The following B4GALT6 variants were observed in gnomAD, a reference collection of about 807,000 sequenced individuals.
B4GALT6 encodes the protein beta-1,4-galactosyltransferase 6.
Under a neutral mutation model 46.3 loss-of-function variants are expected in B4GALT6, and 14 were observed. That is an observed-to-expected ratio of 0.30 (90% confidence interval 0.20 to 0.47). The LOEUF (loss-of-function observed/expected upper bound fraction) is 0.47. Among genes scored for constraint, B4GALT6 ranks in the 20% least tolerant of loss-of-function variants. The pLI is 0.99. For missense variants in B4GALT6, 386 were observed against 480.1 expected, an observed-to-expected ratio of 0.80 and a Z score of 1.83; for synonymous variants, 168 against 162.0, an observed-to-expected ratio of 1.04 and a Z score of -0.28.
intron 2 of B4GALT6, 44 bp from the exon 3 acceptor site, chr18:31,658,133 T>G: frequency 7.6e-7 from 1 of 1,318,100 alleles, no homozygotes; most frequent in Non-Finnish European, 1.1e-6. Context: ...AAAAAGGCCT[T>G]TTGCTTTCTC....
At chr18:31,630,550 G>A (rs1192341888) in intron 6 of B4GALT6, among the ~76,000 whole-genome samples, 2 of 152,022 alleles carry the variant, frequency 1.3e-5, no homozygotes, top group African/African-American at 4.8e-5. Context: ...GATGAGTTAT[G>A]CACCTACCAC....
the B4GALT6 span, among the ~76,000 whole-genome samples, chr18:31,710,903 T>C: frequency 3.3e-5 from 5 of 151,066 alleles, no homozygotes; most frequent in South Asian, 2.1e-4. Flanking sequence ...ATCCTACTTC[T>C]ATGACCTGTG....
chr18:31,707,541 T>A, the B4GALT6 span, among the ~76,000 whole-genome samples: 2 of 152,230 alleles, frequency 1.3e-5, no homozygotes, highest in African/African-American at 4.8e-5. Context: ...GTTAAACATG[T>A]GCTATCTGTA....
Position 31,646,193 on chromosome 18 carries a change from C to G in B4GALT6, c.347-714G>C, listed in dbSNP as rs1286668018. On this transcript the variant is annotated intron_variant, in intron 3 of 8. Coordinates refer to ENST00000306851, the MANE Select transcript of B4GALT6 (RefSeq NM_004775.5). Reference sequence around the variant, plus strand: ...ACTTACCATATATCAGGCCCCTTGGCATACAAAACTGAAAAACCACTTCTG... The same window carrying G: ...ACTTACCATATATCAGGCCCCTTGGGATACAAAACTGAAAAACCACTTCTG... Among the ~76,000 whole-genome samples the G allele has an allele frequency of 2.6e-5, 4 of 152,212 alleles. No homozygotes were observed. The East Asian group carries it at 7.7e-4, about 29-fold the overall frequency.
chr18:31,679,410 C>T (rs554957732), intron 1 of B4GALT6, among the ~76,000 whole-genome samples: 161 of 152,322 alleles, frequency 1.1e-3, no homozygotes, highest in African/African-American at 3.8e-3. Context: ...CAATCTCTAA[C>T]TCATCTCTCA....
chr18:31,721,671 G>A, the B4GALT6 span, among the ~76,000 whole-genome samples: 1 of 152,212 alleles, frequency 6.6e-6, no homozygotes, highest in African/African-American at 2.4e-5. Context: ...AGGTTTCCCA[G>A]AGTAGAAGGA....
At position 31,625,463 on chromosome 18, in the gene B4GALT6, T is replaced by C. The variant is rs1010063273; in HGVS notation, c.*151A>G. 2.6e-6 allele frequency: 2 copies of C among 767,570 alleles called. No individual in the cohort carries two copies. The highest frequency in any genetic ancestry group is 4.1e-6 in the Non-Finnish European group (2 of 486,452). 47.5% of individuals were successfully genotyped at this position (767,570 alleles called of 1,614,324 possible). ...AGGACGGGTGAGAGAAGGGTGACTG[T>C]ATATAGTCCCACTCTGTAAACACTG... On this transcript the variant is annotated 3_prime_UTR_variant, in exon 9 of 9. Transcript: ENST00000306851.
chr18:31,715,382 C>T, the B4GALT6 span, among the ~76,000 whole-genome samples: 14 of 152,076 alleles, frequency 9.2e-5, no homozygotes, highest in South Asian at 2.1e-3. Flanking sequence ...TGTACCAGCA[C>T]ACCTGGCTGA....
At chr18:31,698,730 A>G in the B4GALT6 span, among the ~76,000 whole-genome samples, 1 of 152,142 alleles carries the variant, frequency 6.6e-6, no homozygotes, top group Non-Finnish European at 1.5e-5. Context: ...AGCAGAAAGG[A>G]AAGCATCTTA....
chr18:31,711,118 G>T, the B4GALT6 span, among the ~76,000 whole-genome samples: 1 of 152,252 alleles, frequency 6.6e-6, no homozygotes, highest in East Asian at 1.9e-4. Flanking sequence ...GTGTCACTCT[G>T]TCCCAAAGAG....
chr18:31,636,798 ATTC>A (rs2073864048), intron 5 of B4GALT6, among the ~76,000 whole-genome samples: 1 of 152,314 alleles, frequency 6.6e-6, no homozygotes, highest in Non-Finnish European at 1.5e-5. Flanking sequence ...AGAAAATTAA[ATTC>A]TTTTTTTCAA....
intron 2 of B4GALT6, among the ~76,000 whole-genome samples, chr18:31,664,855 A>G (rs1443318773): frequency 6.6e-6 from 1 of 152,252 alleles, no homozygotes; most frequent in Admixed American, 6.5e-5. Context: ...ATAGTTAATG[A>G]GACTTTTACT....
At chr18:31,646,975 A>G (rs908646387) in intron 3 of B4GALT6, among the ~76,000 whole-genome samples, 31 of 152,254 alleles carry the variant, frequency 2.0e-4, no homozygotes, top group Non-Finnish European at 3.4e-4. Flanking sequence ...CTAATCTTAG[A>G]AAGGTCAGAT....
intron 5 of B4GALT6, among the ~76,000 whole-genome samples, chr18:31,634,345 T>A (rs2144524383): frequency 6.6e-6 from 1 of 152,352 alleles, no homozygotes; most frequent in Middle Eastern, 3.4e-3. Context: ...CAACTGGGAA[T>A]GTGGCTGTTT....
chr18:31,688,483 A>G (rs1214704078), upstream of B4GALT6, among the ~76,000 whole-genome samples: 1 of 152,058 alleles, frequency 6.6e-6, no homozygotes, highest in African/African-American at 2.4e-5. Context: ...ATATGAAATA[A>G]TATAGAACTG....
chr18:31,706,858 T>A, the B4GALT6 span, among the ~76,000 whole-genome samples: 2 of 152,312 alleles, frequency 1.3e-5, no homozygotes, highest in Non-Finnish European at 2.9e-5. Flanking sequence ...ACTGTGCTAT[T>A]TCATCAGAGA....
intron 1 of B4GALT6, among the ~76,000 whole-genome samples, chr18:31,678,825 G>A (rs918900100): frequency 6.6e-6 from 1 of 152,222 alleles, no homozygotes; most frequent in Non-Finnish European, 1.5e-5. Flanking sequence ...CCTTGGACAG[G>A]GGGGCAAACG....
At chr18:31,694,687 T>C in the B4GALT6 span, among the ~76,000 whole-genome samples, 1 of 152,226 alleles carries the variant, frequency 6.6e-6, no homozygotes, top group Non-Finnish European at 1.5e-5. Flanking sequence ...AGTCCTGATA[T>C]AAGTTGTCTT....
chr18:31,693,658 A>G, the B4GALT6 span, among the ~76,000 whole-genome samples: 1 of 152,174 alleles, frequency 6.6e-6, no homozygotes, highest in Non-Finnish European at 1.5e-5. Context: ...GTGAAGACAA[A>G]AAAGAAGGCT....
Sources: allele counts gnomAD v4.1 joint callset (sites outside exome capture counted in the v4.1 genomes callset), GRCh38; gene constraint gnomAD v4.1.1; transcripts MANE v1.5; gene names NCBI Gene and HGNC (gene_info 2026-07-23, HGNC 2026-07-21).